MYH11: variants seen among roughly 807,000 people sequenced by gnomAD.
The protein encoded by MYH11 is myosin-11.
In MYH11, 80 loss-of-function variants were observed where a neutral mutation model predicts 246.6. That is an observed-to-expected ratio of 0.32 (90% CI 0.27 to 0.39). The LOEUF (loss-of-function observed/expected upper bound fraction) is 0.39. Among genes scored for constraint, MYH11 ranks in the 10% least tolerant of loss-of-function variants. The probability of loss-of-function intolerance (pLI) is 1.00; values close to 1 mark genes in which losing one functional copy is unlikely to be tolerated. For synonymous variants in MYH11, 1,071 were observed against 1,015.5 expected, an observed-to-expected ratio of 1.05 and a Z score of -1.04; for missense variants, 2,158 against 2,546.8, an observed-to-expected ratio of 0.85 and a Z score of 3.29.
chr16:15,826,835 T>C (rs1239634769), intron 2 of MYH11, among the ~76,000 whole-genome samples: 1 of 149,012 alleles, frequency 6.7e-6, no homozygotes, highest in Non-Finnish European at 1.5e-5. Context: ...CTACCAAAAA[T>C]ACAAAAAATT....
At chr16:15,838,305 C>T in intron 1 of MYH11, 36 bp from the exon 2 acceptor site, 2 of 1,569,924 alleles carry the variant, frequency 1.3e-6, no homozygotes, top group Non-Finnish European at 1.7e-6. Context: ...AATCAGACCA[C>T]AACCAAGCCC....
intron 3 of MYH11, among the ~76,000 whole-genome samples, chr16:15,807,628 G>A (rs532432428): frequency 5.6e-4 from 85 of 152,252 alleles, no homozygotes; most frequent in Admixed American, 7.2e-4. Context: ...GGGAAGGCTG[G>A]AGCTGGGGGC....
chr16:15,744,539 C>T (rs2151255690), intron 20 of MYH11, among the ~76,000 whole-genome samples: 1 of 149,824 alleles, frequency 6.7e-6, no homozygotes, highest in Admixed American at 6.7e-5. Flanking sequence ...GAGTCTCAAT[C>T]TTTCACCCAG....
intron 31 of MYH11, among the ~76,000 whole-genome samples, chr16:15,722,279 A>G (rs1567697267): frequency 6.6e-6 from 1 of 152,214 alleles, no homozygotes; most frequent in Admixed American, 6.5e-5. Context: ...ACAAGTAGCT[A>G]TTAATATCTT....
At chr16:15,847,246 CTTTTTTTT>C (rs545966682) in intron 1 of MYH11, among the ~76,000 whole-genome samples, 21 of 112,284 alleles carry the variant, frequency 1.9e-4, no homozygotes, top group Non-Finnish European at 3.1e-4. Context: ...AAGTGGACTT[CTTTTTTTT>C]TTTTTTTTTT....
intron 3 of MYH11, among the ~76,000 whole-genome samples, chr16:15,810,040 TG>T (rs2043102994): frequency 6.6e-6 from 1 of 151,870 alleles, no homozygotes; most frequent in Non-Finnish European, 1.5e-5. Flanking sequence ...TTTTTGTTTT[TG>T]TTTTTTTTTG....
intron 1 of MYH11, among the ~76,000 whole-genome samples, chr16:15,848,228 CTTTT>C (rs71134473): frequency 0.021 from 2,227 of 104,352 alleles, 42 homozygotes; most frequent in African/African-American, 0.057. Flanking sequence ...GTTGCTAAGT[CTTTT>C]TTTTTTTTTT....
chr16:15,763,741 T>TGGGGC, intron 10 of MYH11, 55 bp downstream of exon 10: 2 of 646,848 alleles, frequency 3.1e-6, no homozygotes, highest in Non-Finnish European at 2.9e-6. Flanking sequence ...AAATGTCACC[T>TGGGGC]CCCCCACCCC....
intron 2 of MYH11, among the ~76,000 whole-genome samples, chr16:15,834,371 C>T (rs1321587210): frequency 6.6e-6 from 1 of 151,910 alleles, no homozygotes; most frequent in East Asian, 1.9e-4. Flanking sequence ...ACTAAAAATA[C>T]AAAAATCAGC....
Position 15,828,414 on chromosome 16 carries a change from C to G in MYH11, c.346-5003G>C, listed in dbSNP as rs7196739. On this transcript the variant is annotated intron_variant, in intron 2 of 40. Coordinates refer to ENST00000300036, the MANE Select transcript of MYH11 (RefSeq NM_002474.3). ...CACTTTTCCCCTCATCTTCCCACAG[C>G]TGGTTCCCTCTCCTCTTTTAGAGCT... 7.3e-3 allele frequency among the ~76,000 whole-genome samples: 1,111 copies of G among 152,230 alleles called. 4 individuals carry two copies. Among genetic ancestry groups the G allele is most frequent in the Non-Finnish European group, 0.011 (770 of 68,024 alleles).
chr16:15,714,503 A>AG (rs2040003460), intron 40 of MYH11: 2 of 319,392 alleles, frequency 6.3e-6, no homozygotes, highest in Non-Finnish European at 1.2e-5. Flanking sequence ...AGCAGTGCTG[A>AG]GGGGGAGAAA....
chr16:15,716,798 GCCACCACGTCCAGCCT>G (rs879386762), intron 38 of MYH11, among the ~76,000 whole-genome samples: 1 of 152,218 alleles, frequency 6.6e-6, no homozygotes, highest in Non-Finnish European at 1.5e-5. Context: ...ACAGGCGTGA[GCCACCACGTCCAGCCT>G]GGTTGGATTT....
chr16:15,764,901 C>T (rs1226734244), intron 9 of MYH11, among the ~76,000 whole-genome samples: 13 of 152,226 alleles, frequency 8.5e-5, no homozygotes, highest in Non-Finnish European at 1.9e-4. Context: ...ACATTTGTTT[C>T]CACTTGTTGT....
chr16:15,741,239 A>G (rs1309080563), intron 22 of MYH11: 2 of 621,586 alleles, frequency 3.2e-6, no homozygotes, highest in African/African-American at 3.6e-5. Context: ...GTTAGGAGAA[A>G]AGGGGTTAGC....
rs576351952 is a variant in MYH11, at chr16:15,724,456, G to T, written c.4117-47C>A. 20 of 1,611,090 alleles carry T rather than the reference G, an allele frequency of 1.2e-5. No individual in the cohort carries two copies. The South Asian group carries it at 2.2e-4, about 18-fold the overall frequency. On this transcript the variant is annotated intron_variant, in intron 30 of 40. Coordinates refer to ENST00000300036, the MANE Select transcript of MYH11 (RefSeq NM_002474.3). ...TAGGGTGAGAGGGGGACCATGAGTGGCCCCTGTCCCTGGCCCCACAGACTC... is the reference window on the plus strand; with the variant it reads ...TAGGGTGAGAGGGGGACCATGAGTGTCCCCTGTCCCTGGCCCCACAGACTC...
chr16:15,791,523 A>C (rs969660205), intron 4 of MYH11: 2 of 152,264 alleles, frequency 1.3e-5, no homozygotes, highest in African/African-American at 4.8e-5. Context: ...GCAGAATAGC[A>C]TAATGGGCTC....
chr16:15,831,464 GGTGTGT>G lies in MYH11; in HGVS notation c.345+6438_345+6443del, dbSNP rs59352444. 1.2e-3 allele frequency among the ~76,000 whole-genome samples: 172 copies of G among 145,690 alleles called. 3 individuals are homozygous for G. The highest frequency in any genetic ancestry group is 4.1e-3 in the African/African-American group (161 of 39,142). On this transcript the variant is annotated intron_variant, in intron 2 of 40. Transcript: ENST00000300036. The stretch of plus-strand genomic sequence containing the variant: ...AGGAGTGACTTTTTCTTATGTTTGG[GGTGTGT>G]GTGTGTGTGTGTGTGTGTGTGTGTG...
intron 40 of MYH11, chr16:15,708,741 A>G: frequency 1.7e-5 from 26 of 1,548,626 alleles, no homozygotes; most frequent in East Asian, 2.3e-5. Flanking sequence ...AGAGGGGCGC[A>G]TTGGGCAGAA....
chr16:15,769,168 T>C (rs2042045090), intron 9 of MYH11, among the ~76,000 whole-genome samples: 1 of 151,458 alleles, frequency 6.6e-6, no homozygotes, highest in Admixed American at 6.6e-5. Context: ...CAAAAAAAAT[T>C]AGTGGGGCAT....
Sources: allele counts gnomAD v4.1 joint callset (sites outside exome capture counted in the v4.1 genomes callset), GRCh38; gene constraint gnomAD v4.1.1; transcripts MANE v1.5; gene names NCBI Gene and HGNC (gene_info 2026-07-23, HGNC 2026-07-21).